NOTCH4: variants seen among roughly 807,000 people sequenced by gnomAD.
NOTCH4 encodes the protein notch receptor 4.
Under a neutral mutation model 189.0 loss-of-function variants are expected in NOTCH4, and 138 were observed. The ratio of observed to expected loss-of-function variants is 0.73; its 90% confidence interval spans 0.64 to 0.84. NOTCH4 has a LOEUF of 0.84. Among genes scored for constraint, NOTCH4 ranks in the 40% least tolerant of loss-of-function variants. NOTCH4 has a pLI of 0.00. For synonymous variants in NOTCH4, 942 were observed against 1,032.8 expected (o/e 0.91, Z 1.69); for missense variants, 2,286 against 2,605.4 (o/e 0.88, Z 2.67).
chr6:32,205,287 C>T (rs1011472134), intron 18 of NOTCH4, among the ~76,000 whole-genome samples: 11 of 151,920 alleles, frequency 7.2e-5, no homozygotes, highest in Non-Finnish European at 1.3e-4. Context: ...CGGTGGCTCA[C>T]GCCTGTAATC....
In NOTCH4 at chr6:32,212,868, G is replaced by A. The variant is rs1789115289; in HGVS notation, c.2482C>T (p.Pro828Ser). Residue 828 changes from proline to serine, a missense_variant, in exon 16 of 30, where the codon CCC becomes TCC. Physicochemically the swap from Pro to Ser is moderately conservative, Grantham distance 74. This residue lies in a region of NOTCH4 where 1,903 missense variants were observed against 2,261.9 expected (regional missense o/e 0.84). Coordinates refer to ENST00000375023, the MANE Select transcript of NOTCH4 (RefSeq NM_004557.4). This position sits in a 1 kb window ranked among gnomAD's most constrained non-coding sequence, Gnocchi z 4.4. ...TAGCCAGTGGGGCAGAGGCAGCGGGGACCCTGAGGGCTGTCCTGGCAGGTT... is the reference window on the plus strand; with the variant it reads ...TAGCCAGTGGGGCAGAGGCAGCGGGAACCCTGAGGGCTGTCCTGGCAGGTT... ...RATCQDSPQG[P>S]RCLCPTGYTG... The A allele has an allele frequency of 6.4e-7, 1 of 1,554,134 alleles. No homozygotes were observed. Among genetic ancestry groups the A allele is most frequent in the African/African-American group, 1.4e-5 (1 of 73,444 alleles).
At position 32,198,509 on chromosome 6, in the gene NOTCH4, A is replaced by T; in HGVS notation, c.4668T>A (p.Gly1556=). 6.2e-7 allele frequency: 1 copy of T among 1,612,914 alleles called. No homozygotes were observed. Among genetic ancestry groups the T allele is most frequent in the South Asian group, 1.1e-5 (1 of 91,076 alleles). Residue 1556 remains glycine, a synonymous_variant, in exon 26 of 30, where the codon GGT becomes GGA. Transcript: ENST00000375023. This position sits in a 1 kb window ranked among gnomAD's most constrained non-coding sequence, Gnocchi z 5.5. ...PSTCQLWSLS[G]GCGALPQAAM... is the part of the protein sequence containing the mutation. ...CTGCCTGAGGGAGCGCCCCACAGCCACCACTCAGAGACCAGAGCTGGCACG... is the reference window on the plus strand; with the variant it reads ...CTGCCTGAGGGAGCGCCCCACAGCCTCCACTCAGAGACCAGAGCTGGCACG...
In NOTCH4 at chr6:32,217,062, C is replaced by G; in HGVS notation, c.1744G>C (p.Glu582Gln). Reference sequence around the variant, plus strand: ...ACCTCTGTTTGACAGCGTGGCCCTTCAAAGCCTGTGGCACAGCAGGAAGGT... The same window carrying G: ...ACCTCTGTTTGACAGCGTGGCCCTTGAAAGCCTGTGGCACAGCAGGAAGGT... ...AFHCKCLPGF[E>Q]GPRCQTEVDE... is the part of the protein sequence containing the mutation. Residue 582 changes from glutamate to glutamine, a missense_variant, in exon 11 of 30, where the codon GAA becomes CAA. Coordinates refer to ENST00000375023, the MANE Select transcript of NOTCH4 (RefSeq NM_004557.4). This position sits in a 1 kb window ranked among gnomAD's most constrained non-coding sequence, Gnocchi z 4.2. 7 of 1,613,096 alleles carry G rather than the reference C, an allele frequency of 4.3e-6. No homozygotes were observed. Among genetic ancestry groups the G allele is most frequent in the Non-Finnish European group, 5.9e-6 (7 of 1,180,044 alleles).
Position 32,217,865 on chromosome 6 carries a change from A to C in NOTCH4, c.1624+130T>G, listed in dbSNP as rs573697349. The C allele has an allele frequency of 1.5e-4, 96 of 642,628 alleles. 1 individual carries two copies. In the South Asian group the frequency reaches 1.7e-3, roughly 11 times the overall value. 39.8% of individuals were successfully genotyped at this position (642,628 alleles called of 1,614,324 possible). A position where few individuals can be genotyped will look rare whatever the true frequency, so the allele number is the denominator to read the frequency against. ...TAAGAGTAGAGATTTTGGGGAGCAA[A>C]GACAGATTTGGAGGACTCCTTGGCT... On this transcript the variant is annotated intron_variant, in intron 9 of 29. Coordinates refer to ENST00000375023, the MANE Select transcript of NOTCH4 (RefSeq NM_004557.4). This position sits in a 1 kb window ranked among gnomAD's most constrained non-coding sequence, Gnocchi z 4.2.
rs1789753736 is a variant in NOTCH4, at chr6:32,221,183, G to A, written c.594C>T (p.Cys198=). 4.3e-6 allele frequency: 7 copies of A among 1,613,136 alleles called. No individual in the cohort carries two copies. Among genetic ancestry groups the A allele is most frequent in the Non-Finnish European group, 5.9e-6 (7 of 1,180,040 alleles). ...GHACERDVNE[C]FQDPGPCPKG... ...TGGGGCAGGGTCCTGGGTCCTGGAAGCACTCGTTGACATCACGTTCACAGG... is the reference window on the plus strand; with the variant it reads ...TGGGGCAGGGTCCTGGGTCCTGGAAACACTCGTTGACATCACGTTCACAGG... Residue 198 remains cysteine, a synonymous_variant, in exon 4 of 30, where the codon TGC becomes TGT. Coordinates refer to ENST00000375023, the MANE Select transcript of NOTCH4 (RefSeq NM_004557.4). This position sits in a 1 kb window ranked among gnomAD's most constrained non-coding sequence, Gnocchi z 4.3.
chr6:32,202,140 G>A lies in NOTCH4; in HGVS notation c.3691C>T (p.Pro1231Ser). The stretch of plus-strand genomic sequence containing the variant: ...AGACACTCTTCAGAGTCACACTGTG[G>A]GTGGCACTGCCCGTCCCGGAAGAGA... ...WLLFRDGQCH[P>S]QCDSEECLFD... is the part of the protein sequence containing the mutation. The change falls in exon 21 of 30, where the codon CCA becomes TCA. Residue 1231 changes from proline to serine, a missense_variant. Pro to Ser is a moderately conservative substitution (Grantham distance 74, BLOSUM62 -1). This residue lies in a region of NOTCH4 where 1,903 missense variants were observed against 2,261.9 expected (regional missense o/e 0.84). Transcript: ENST00000375023. This position sits in a 1 kb window ranked among gnomAD's most constrained non-coding sequence, Gnocchi z 5.7. The A allele has an allele frequency of 6.6e-7, 1 of 1,516,210 alleles. No homozygotes were observed. Among genetic ancestry groups the A allele is most frequent in the Non-Finnish European group, 8.8e-7 (1 of 1,132,352 alleles). 93.9% of individuals were successfully genotyped at this position (1,516,210 alleles called of 1,614,324 possible). A position where few individuals can be genotyped will look rare whatever the true frequency, so the allele number is the denominator to read the frequency against.
chr6:32,204,086 C>T, intron 19 of NOTCH4, 51 bp downstream of exon 19: 2 of 1,599,696 alleles, frequency 1.3e-6, no homozygotes, highest in Non-Finnish European at 1.7e-6. Flanking sequence ...TCTCCATGGT[C>T]TGCTTGGCTG....
At chr6:32,196,293 G>A in intron 29 of NOTCH4, 31 bp downstream of exon 29, 1 of 1,613,120 alleles carries the variant, frequency 6.2e-7, no homozygotes, top group South Asian at 1.1e-5. Context: ...GCGCCTGACT[G>A]TTTTGTGGGA....
intron 12 of NOTCH4, among the ~76,000 whole-genome samples, 160 bp from the exon 13 acceptor site, chr6:32,214,415 C>A (rs1053476188): frequency 6.7e-6 from 1 of 149,504 alleles, no homozygotes; most frequent in Non-Finnish European, 1.5e-5. Flanking sequence ...TCCTCCCCAA[C>A]ACCTGCTCAT....
rs750322961 is a variant in NOTCH4, at chr6:32,198,649, C to T, written c.4617G>A (p.Gln1539=). The T allele has an allele frequency of 7.4e-6, 12 of 1,611,806 alleles. No individual in the cohort carries two copies. Among genetic ancestry groups the T allele is most frequent in the Non-Finnish European group, 9.3e-6 (11 of 1,179,486 alleles). ...SGPEEGEEVG[Q]AEETGPPSTC... ...ACCATTCTTGCCCCAGCCCTTTCAC[C>T]TGGCCCACCTCCTCTCCCTCCTCAG... The change falls in exon 25 of 30, where the codon CAG becomes CAA. Residue 1539 remains glutamine, a splice_region_variant and synonymous_variant. Coordinates refer to ENST00000375023, the MANE Select transcript of NOTCH4 (RefSeq NM_004557.4). The surrounding 1 kb of genome is among the most constrained non-coding windows in gnomAD (Gnocchi z 5.5).
chr6:32,208,400 A>G (rs2127473487), intron 18 of NOTCH4, among the ~76,000 whole-genome samples: 1 of 152,360 alleles, frequency 6.6e-6, no homozygotes. Flanking sequence ...TCAAAACCAC[A>G]ATGAGATATC....
chr6:32,201,611 G>A lies in NOTCH4; in HGVS notation c.3756-111C>T, dbSNP rs1349403126. Reference sequence around the variant, plus strand: ...CCCTCTAGGGCTTTGGTTGCTAAGTGGGGGCAGCTGTGGAGCAATGAGCTT... The same window carrying A: ...CCCTCTAGGGCTTTGGTTGCTAAGTAGGGGCAGCTGTGGAGCAATGAGCTT... On this transcript the variant is annotated intron_variant, in intron 21 of 29. Transcript: ENST00000375023. This position sits in a 1 kb window ranked among gnomAD's most constrained non-coding sequence, Gnocchi z 5.5. The A allele has an allele frequency of 8.3e-6, 9 of 1,090,304 alleles. No individual in the cohort carries two copies. In the Admixed American group the frequency reaches 2.2e-4, roughly 26 times the overall value. The allele number at this position is 1,090,304 out of a possible 1,614,324, so 67.5% of individuals were successfully genotyped here.
chr6:32,202,314 G>T lies in NOTCH4; in HGVS notation c.3517C>A (p.Pro1173Thr). 5.6e-6 allele frequency: 9 copies of T among 1,612,614 alleles called. No homozygotes were observed. The highest frequency in any genetic ancestry group is 7.6e-6 in the Non-Finnish European group (9 of 1,179,670). Residue 1173 changes from proline to threonine, a missense_variant, in exon 21 of 30, where the codon CCC becomes ACC. Pro to Thr is a conservative substitution (Grantham distance 38, BLOSUM62 -1). Transcript: ENST00000375023. The surrounding 1 kb of genome is among the most constrained non-coding windows in gnomAD (Gnocchi z 5.7). ...HSSPGPRCQKPGAKGCEGRSG... is the reference protein window; with the variant it reads ...HSSPGPRCQKTGAKGCEGRSG... ...CTGCCCTCACACCCCTTGGCTCCGG[G>T]TTTCTGACACCGGGGCCCTGGAGAG...
chr6:32,204,296 G>A lies in NOTCH4; in HGVS notation c.2959C>T (p.Pro987Ser), dbSNP rs746026895. The change falls in exon 19 of 30, where the codon CCT (proline) becomes TCT (serine). Residue 987 changes from proline to serine, a missense_variant. Physicochemically the swap from Pro to Ser is moderately conservative, Grantham distance 74. Coordinates refer to ENST00000375023, the MANE Select transcript of NOTCH4 (RefSeq NM_004557.4). The part of the protein sequence containing the change: ...CHNHGTCTPK[P>S]GGFHCACPPG... ...GGGCAGGCACAGTGGAATCCTCCAG[G>A]TTTGGGAGTACAGGTTCCATGGTTG... 6.2e-6 allele frequency: 10 copies of A among 1,612,964 alleles called. No individual in the cohort carries two copies. The South Asian group carries it at 8.8e-5, about 14-fold the overall frequency.
rs1789796188 is a variant in NOTCH4, at chr6:32,221,790, T to C, written c.452-465A>G. Among the ~76,000 whole-genome samples the C allele has an allele frequency of 6.6e-6, 1 of 152,166 alleles. No individual in the cohort carries two copies. The stretch of plus-strand genomic sequence containing the variant: ...GCACCAGTGGTAATGGCGGCAGCAG[T>C]GGAGGTGCCAGGTGCTGAGCTGAGC... On this transcript the variant is annotated intron_variant, in intron 3 of 29. Coordinates refer to ENST00000375023, the MANE Select transcript of NOTCH4 (RefSeq NM_004557.4). This position sits in a 1 kb window ranked among gnomAD's most constrained non-coding sequence, Gnocchi z 4.3.
At chr6:32,204,022 G>GGAGGCAGGGGATGGACCAGGTGACGGCT in intron 19 of NOTCH4, 115 bp downstream of exon 19, 2 of 1,467,998 alleles carry the variant, frequency 1.4e-6, no homozygotes, top group South Asian at 2.5e-5. Flanking sequence ...GGGTGGGCGT[G>GGAGGCAGGGGATGGACCAGGTGACGGCT]GAGGCAGGGG....
Position 32,215,239 on chromosome 6 carries a change from C to T in NOTCH4, c.2008G>A (p.Gly670Arg), listed in dbSNP as rs8192566. 84 of 1,601,368 alleles carry T rather than the reference C, an allele frequency of 5.2e-5. 1 individual carries two copies. Among genetic ancestry groups the T allele is most frequent in the Non-Finnish European group, 6.9e-5 (81 of 1,175,378 alleles). ...GGAAGATGTTACCTCTGGCAGTGCC[C>T]GTGGTGGCAGGTGCAGTTGTCCTCA... ...PPEDNCTCHH[G>R]HCQRSSCVCD... The change falls in exon 12 of 30, where the codon GGG (glycine) becomes AGG (arginine). Residue 670 changes from glycine (G) to arginine (R), a missense_variant. Physicochemically the swap from Gly to Arg is moderately radical, Grantham distance 125 (BLOSUM62 -2). This residue lies in a region of NOTCH4 where 1,903 missense variants were observed against 2,261.9 expected (regional missense o/e 0.84). Coordinates refer to ENST00000375023, the MANE Select transcript of NOTCH4 (RefSeq NM_004557.4).
chr6:32,195,535 G>A lies in NOTCH4; in HGVS notation c.5914C>T (p.Leu1972Phe). Residue 1972 changes from leucine to phenylalanine, a missense_variant, in exon 30 of 30, where the codon CTT becomes TTT. Coordinates refer to ENST00000375023, the MANE Select transcript of NOTCH4 (RefSeq NM_004557.4). This position sits in a 1 kb window ranked among gnomAD's most constrained non-coding sequence, Gnocchi z 5.4. ...GATCCCCGCTCCGGGGACGGAGTAA[G>A]GCAAGGAGGCGGGATCGGAATGTTG... Reference protein sequence around the residue: ...ASNIPIPPPCLTPSPERGSPQ... With the variant: ...ASNIPIPPPCFTPSPERGSPQ... 6.2e-7 allele frequency: 1 copy of A among 1,613,132 alleles called. No homozygotes were observed. Among genetic ancestry groups the A allele is most frequent in the Non-Finnish European group, 8.5e-7 (1 of 1,180,042 alleles).
In NOTCH4 at chr6:32,210,773, C is replaced by T; in HGVS notation, c.2844G>A (p.Gln948=). The T allele has an allele frequency of 6.2e-7, 1 of 1,612,796 alleles. No homozygotes were observed. The highest frequency in any genetic ancestry group is 8.5e-7 in the Non-Finnish European group (1 of 1,180,040). Residue 948 remains glutamine (Q), a synonymous_variant, in exon 18 of 30, where the codon CAG becomes CAA. Coordinates refer to ENST00000375023, the MANE Select transcript of NOTCH4 (RefSeq NM_004557.4). This position sits in a 1 kb window ranked among gnomAD's most constrained non-coding sequence, Gnocchi z 4.8. ...PCQNGATCMA[Q]PSGYLCQCAP... ...TCACCTGGCAGAGATACCCACTGGG[C>T]TGGGCCATGCAGGTGGCCCCGTTCT...
Sources: allele counts gnomAD v4.1 joint callset (sites outside exome capture counted in the v4.1 genomes callset), GRCh38; gene constraint gnomAD v4.1.1; regional missense constraint gnomAD v4.1.1; non-coding constraint Gnocchi (gnomAD v3.1); transcripts MANE v1.5; gene names NCBI Gene and HGNC (gene_info 2026-07-23, HGNC 2026-07-21).